Variants in OTOGL observed in about 807,000 individuals in gnomAD.
The protein encoded by OTOGL is otogelin like.
Under a neutral mutation model 318.5 loss-of-function variants are expected in OTOGL, and 285 were observed. That is an observed-to-expected ratio of 0.89 (90% CI 0.81 to 0.99). The LOEUF (loss-of-function observed/expected upper bound fraction) is 0.99, where lower values mean the gene tolerates loss of function less well. Among genes scored for constraint, OTOGL ranks in the 50% least tolerant of loss-of-function variants. OTOGL has a pLI of 0.00. For missense variants in OTOGL, 2,899 were observed against 2,845.6 expected (o/e 1.02, Z -0.43); for synonymous variants, 987 against 936.5 (o/e 1.05, Z -0.99).
At chr12:80,178,061 CTTTTTTTTTTT>C (rs71094968) in intron 1 of OTOGL, among the ~76,000 whole-genome samples, 1 of 74,920 alleles carries the variant, frequency 1.3e-5, no homozygotes, top group South Asian at 5.5e-4. Context: ...TTCTTTCTTT[CTTTTTTTTTTT>C]TTTTTTTTTT....
At chr12:80,110,374 G>A (rs1869764444) in intron 1 of OTOGL, among the ~76,000 whole-genome samples, 1 of 151,928 alleles carries the variant, frequency 6.6e-6, no homozygotes, top group Non-Finnish European at 1.5e-5. Context: ...GCCTACATTA[G>A]GTATTTCTCC....
Position 80,335,968 on chromosome 12 carries a change from G to T in OTOGL, c.4428G>T (p.Gln1476His). Residue 1476 changes from glutamine to histidine, a missense_variant, in exon 39 of 59, where the codon CAG (glutamine) becomes CAT (histidine). By Grantham distance (24) the Gln-to-His change is conservative. Transcript: ENST00000547103. ...TPTTGLECEP[Q>H]KFDPVYDCSQ... ...TAATCTTTTTTTATTAACAGCCTCA[G>T]AAATTTGATCCTGTTTATGATTGTA... 6.5e-7 allele frequency: 1 copy of T among 1,532,026 alleles called. No homozygotes were observed. The highest frequency in any genetic ancestry group is 8.7e-7 in the Non-Finnish European group (1 of 1,145,408). 94.9% of individuals were successfully genotyped at this position (1,532,026 alleles called of 1,614,324 possible). A position where few individuals can be genotyped will look rare whatever the true frequency, so the allele number is the denominator to read the frequency against.
intron 46 of OTOGL, among the ~76,000 whole-genome samples, chr12:80,355,070 G>A (rs947474325): frequency 1.3e-5 from 2 of 151,650 alleles, no homozygotes; most frequent in Non-Finnish European, 2.9e-5. Context: ...TTATATTATT[G>A]AATTTGATTA....
intron 52 of OTOGL, among the ~76,000 whole-genome samples, chr12:80,364,490 A>G (rs545698451): frequency 6.6e-6 from 1 of 152,262 alleles, no homozygotes; most frequent in East Asian, 1.9e-4. Context: ...ACTGAGTTGC[A>G]CAACCATCAA....
At chr12:80,140,223 C>CT (rs1871845514) in intron 1 of OTOGL, among the ~76,000 whole-genome samples, 1 of 152,170 alleles carries the variant, frequency 6.6e-6, no homozygotes, top group African/African-American at 2.4e-5. Context: ...GGGAGCGTCT[C>CT]TATCACATGG....
At chr12:80,157,091 C>T (rs761613363) in intron 1 of OTOGL, among the ~76,000 whole-genome samples, 7 of 152,226 alleles carry the variant, frequency 4.6e-5, no homozygotes, top group Admixed American at 2.0e-4. Flanking sequence ...TCCACATCCT[C>T]GCCAGCATTT....
intron 1 of OTOGL, among the ~76,000 whole-genome samples, chr12:80,179,444 TA>T (rs1301148887): frequency 1.3e-5 from 2 of 151,568 alleles, no homozygotes; most frequent in African/African-American, 2.4e-5. Context: ...AAATACCTTT[TA>T]AAAAAAATAA....
intron 1 of OTOGL, among the ~76,000 whole-genome samples, chr12:80,197,762 A>C (rs1876178077): frequency 6.6e-6 from 1 of 152,338 alleles, no homozygotes; most frequent in Admixed American, 6.5e-5. Context: ...GGCAGCCCGC[A>C]GAGGCGTGTG....
chr12:80,100,836 A>G (rs549732937), intron 1 of OTOGL, among the ~76,000 whole-genome samples: 1 of 152,196 alleles, frequency 6.6e-6, no homozygotes, highest in Non-Finnish European at 1.5e-5. Flanking sequence ...TTGTTTTTCC[A>G]GTTCCTCAAC....
At chr12:80,114,068 A>G (rs935064201) in intron 1 of OTOGL, among the ~76,000 whole-genome samples, 5 of 152,104 alleles carry the variant, frequency 3.3e-5, no homozygotes, top group South Asian at 2.1e-4. Context: ...TCTTTATCCA[A>G]TTTGCCAGTC....
chr12:80,256,521 C>CAAACA (rs1400045363), intron 17 of OTOGL, 61 bp downstream of exon 17: 43 of 1,511,398 alleles, frequency 2.8e-5, no homozygotes, highest in Admixed American at 1.4e-4. Context: ...AACAAACAAA[C>CAAACA]AACACACGCA....
chr12:80,235,033 C>T (rs1239709525), intron 9 of OTOGL, among the ~76,000 whole-genome samples: 2 of 151,992 alleles, frequency 1.3e-5, no homozygotes, highest in Non-Finnish European at 2.9e-5. Context: ...AATCTTGAGA[C>T]TGTATTAGGA....
chr12:80,250,010 G>A (rs1007844026), intron 11 of OTOGL, among the ~76,000 whole-genome samples: 58 of 152,008 alleles, frequency 3.8e-4, no homozygotes, highest in Non-Finnish European at 7.2e-4. Context: ...GCAATGCCTC[G>A]CCCTGCTTCG....
chr12:80,130,007 C>T (rs192516404), intron 1 of OTOGL, among the ~76,000 whole-genome samples: 1 of 152,238 alleles, frequency 6.6e-6, no homozygotes, highest in East Asian at 1.9e-4. Flanking sequence ...CCAAGTCTTG[C>T]CTATTTTTCC....
intron 6 of OTOGL, among the ~76,000 whole-genome samples, chr12:80,221,762 C>T (rs183415799): frequency 6.6e-6 from 1 of 152,246 alleles, no homozygotes; most frequent in East Asian, 1.9e-4. Context: ...TTTTTCTGAG[C>T]CATCTTACTT....
chr12:80,320,850 C>G, intron 34 of OTOGL, 150 bp downstream of exon 34: 1 of 721,296 alleles, frequency 1.4e-6, no homozygotes, highest in Non-Finnish European at 2.2e-6. Flanking sequence ...CTATACCCCT[C>G]TATATCTCCA....
At chr12:80,134,387 A>G (rs1378453075) in intron 1 of OTOGL, among the ~76,000 whole-genome samples, 2 of 152,200 alleles carry the variant, frequency 1.3e-5, no homozygotes, top group Admixed American at 1.3e-4. Context: ...ATGGACTTCT[A>G]TAACACCCAC....
chr12:80,252,249 C>G, intron 13 of OTOGL, 48 bp downstream of exon 13: 1 of 1,541,478 alleles, frequency 6.5e-7, no homozygotes, highest in Non-Finnish European at 8.8e-7. Context: ...GAAACTAGTA[C>G]CCAGTGATCT....
intron 1 of OTOGL, among the ~76,000 whole-genome samples, chr12:80,114,579 C>G (rs192216695): frequency 6.6e-6 from 1 of 152,094 alleles, no homozygotes; most frequent in Non-Finnish European, 1.5e-5. Flanking sequence ...GTGAATCTGA[C>G]AATTATGTGT....
Sources: allele counts gnomAD v4.1 joint callset (sites outside exome capture counted in the v4.1 genomes callset), GRCh38; gene constraint gnomAD v4.1.1; transcripts MANE v1.5; gene names NCBI Gene and HGNC (gene_info 2026-07-23, HGNC 2026-07-21).